The following PLA2R1 variants were observed in gnomAD, a reference collection of about 807,000 sequenced individuals.
PLA2R1 encodes the protein secretory phospholipase A2 receptor.
PLA2R1 carries 158 observed loss-of-function variants against 195.9 expected under a neutral mutation model. The observed-to-expected ratio is 0.81, with a 90% CI of 0.71 to 0.92. The LOEUF (loss-of-function observed/expected upper bound fraction) is 0.92. Ranked by LOEUF, PLA2R1 falls within the 40% of genes least tolerant of loss-of-function variation. PLA2R1 has a pLI of 0.00. For synonymous variants in PLA2R1, 586 were observed against 598.2 expected (o/e 0.98, Z 0.30); for missense variants, 1,626 against 1,764.6 (o/e 0.92, Z 1.41).
rs747566805 is a variant in PLA2R1, at chr2:160,044,817, A to T, written c.450T>A (p.Ser150=). 2 of 1,613,818 alleles carry T rather than the reference A, an allele frequency of 1.2e-6. No individual in the cohort carries two copies. The highest frequency in any genetic ancestry group is 2.2e-5 in the South Asian group (2 of 91,062). Residue 150 remains serine, a synonymous_variant, in exon 2 of 30, where the codon TCT becomes TCA. Transcript: ENST00000283243. ...AAATGTCTCCACCACCTGACCCATAAGAAATCCACTTATGAATATACTTCC... is the reference window on the plus strand; with the variant it reads ...AAATGTCTCCACCACCTGACCCATATGAAATCCACTTATGAATATACTTCC... ...ASRKYIHKWI[S]YGSGGGDICE... is the part of the protein sequence containing the mutation.
intron 11 of PLA2R1, among the ~76,000 whole-genome samples, chr2:159,996,498 G>A (rs569718769): frequency 4.6e-5 from 7 of 152,062 alleles, no homozygotes; most frequent in South Asian, 4.2e-4. Flanking sequence ...TCTGAAGTTC[G>A]GATACAATAT....
In PLA2R1 at chr2:160,044,803, C is replaced by T. The variant is rs775814269; in HGVS notation, c.464G>A (p.Gly155Asp). ...GTGTAGATATTCACAAATGTCTCCA[C>T]CACCTGACCCATAAGAAATCCACTT... ...IHKWISYGSG[G>D]GDICEYLHKD... Residue 155 changes from glycine (G) to aspartate (D), a missense_variant, in exon 2 of 30, where the codon GGT becomes GAT. Transcript: ENST00000283243. 3.0e-5 allele frequency: 49 copies of T among 1,613,298 alleles called. No homozygotes were observed. Among genetic ancestry groups the T allele is most frequent in the Admixed American group, 1.7e-4 (10 of 59,992 alleles).
chr2:160,028,473 T>A, intron 5 of PLA2R1, 112 bp from the exon 6 acceptor site: 1 of 741,160 alleles, frequency 1.3e-6, no homozygotes, highest in Non-Finnish European at 2.3e-6. Flanking sequence ...TCATATATAG[T>A]AAATCCTATA....
At chr2:160,046,584 T>G (rs193222489) in intron 1 of PLA2R1, among the ~76,000 whole-genome samples, 3 of 152,318 alleles carry the variant, frequency 2.0e-5, no homozygotes. Context: ...CTTAAGATAC[T>G]GTTTCAAAAA....
At position 159,941,685 on chromosome 2, in the gene PLA2R1, A is replaced by G. The variant is rs1052892900; in HGVS notation, c.*93T>C. 9.1e-6 allele frequency: 6 copies of G among 661,396 alleles called. No homozygotes were observed. The African/African-American group carries it at 9.1e-5, about 10-fold the overall frequency. The allele number at this position is 661,396 out of a possible 1,614,324, so 41.0% of individuals were successfully genotyped here. On this transcript the variant is annotated 3_prime_UTR_variant, in exon 30 of 30. Transcript: ENST00000283243. ...AAATAGTGACCCAATTCACATTCTA[A>G]TGGCATCTGTGCTGTAAAGGGAAAG...
At chr2:160,014,647 G>A (rs1478018177) in intron 9 of PLA2R1, among the ~76,000 whole-genome samples, 1 of 152,012 alleles carries the variant, frequency 6.6e-6, no homozygotes, top group Non-Finnish European at 1.5e-5. Context: ...TAAATTTCTT[G>A]GAAAAGATGT....
At chr2:160,045,262 G>T in intron 1 of PLA2R1, 105 bp from the exon 2 acceptor site, 1 of 839,344 alleles carries the variant, frequency 1.2e-6, no homozygotes, top group Non-Finnish European at 1.9e-6. Context: ...ACAGTTGCCA[G>T]CCATTTCCCA....
intron 2 of PLA2R1, among the ~76,000 whole-genome samples, chr2:160,043,445 G>T (rs931616128): frequency 2.6e-5 from 4 of 152,248 alleles, no homozygotes; most frequent in Middle Eastern, 3.4e-3. Flanking sequence ...TGACTCAACT[G>T]GGGCTGCCAA....
rs552792081 is a variant in PLA2R1 at position 160,027,562 on chromosome 2, T to A, written c.1099+656A>T. ...CAATATTTAAAAATGACAATTCAGC[T>A]TATTATTTTAAATCTAGAGTTTTTT... On this transcript the variant is annotated intron_variant, in intron 6 of 29. Transcript: ENST00000283243. Among the ~76,000 whole-genome samples the A allele has an allele frequency of 3.3e-3, 496 of 151,960 alleles. 2 individuals carry two copies. The highest frequency in any genetic ancestry group is 0.011 in the African/African-American group (437 of 41,578).
At chr2:160,009,931 G>A (rs1359531886) in intron 10 of PLA2R1, among the ~76,000 whole-genome samples, 1 of 151,808 alleles carries the variant, frequency 6.6e-6, no homozygotes, top group African/African-American at 2.4e-5. Context: ...AACATGGCAA[G>A]AACCTGTCTC....
chr2:160,018,270 A>G (rs111695044), intron 8 of PLA2R1, among the ~76,000 whole-genome samples: 12 of 152,272 alleles, frequency 7.9e-5, no homozygotes, highest in Admixed American at 3.9e-4. Context: ...AGAGCAACAT[A>G]CCCATGCCTG....
intron 24 of PLA2R1, among the ~76,000 whole-genome samples, chr2:159,950,405 A>C (rs777586251): frequency 2.0e-5 from 3 of 152,224 alleles, no homozygotes; most frequent in Non-Finnish European, 4.4e-5. Context: ...TACTTGTCAA[A>C]ATTTTAAGTG....
Position 160,032,958 on chromosome 2 carries a change from C to G in PLA2R1, c.841+1G>C. The G allele has an allele frequency of 6.2e-7, 1 of 1,600,164 alleles. No homozygotes were observed. Among genetic ancestry groups the G allele is most frequent in the African/African-American group, 1.3e-5 (1 of 74,682 alleles). Reference sequence around the variant, plus strand: ...TCAATGTGCGTCATCCACCTACTTACCCCTTATGAAATTTTCTTCAGTTTC... The same window carrying G: ...TCAATGTGCGTCATCCACCTACTTAGCCCTTATGAAATTTTCTTCAGTTTC... On this transcript the variant is annotated splice_donor_variant, in intron 4 of 29. Transcript: ENST00000283243. LOFTEE classifies it high-confidence loss of function.
chr2:159,969,446 T>C, intron 18 of PLA2R1, 87 bp from the exon 19 acceptor site: 1 of 705,784 alleles, frequency 1.4e-6, no homozygotes, highest in African/African-American at 1.8e-5. Context: ...AGGTAGGGAT[T>C]GAAGATATAA....
intron 3 of PLA2R1, among the ~76,000 whole-genome samples, chr2:160,041,606 G>A (rs1378033506): frequency 6.7e-6 from 1 of 150,204 alleles, no homozygotes; most frequent in Non-Finnish European, 1.5e-5. Flanking sequence ...TTGACAATGG[G>A]CGAGACAAGC....
At chr2:159,999,113 T>C (rs962788642) in intron 11 of PLA2R1, among the ~76,000 whole-genome samples, 1 of 152,074 alleles carries the variant, frequency 6.6e-6, no homozygotes, top group Non-Finnish European at 1.5e-5. Flanking sequence ...CTTTCCACCA[T>C]GTGAGGGCGC....
intron 1 of PLA2R1, among the ~76,000 whole-genome samples, chr2:160,046,605 G>A (rs1022261961): frequency 1.3e-5 from 2 of 152,120 alleles, no homozygotes; most frequent in South Asian, 2.1e-4. Flanking sequence ...GATTGTCAAT[G>A]TATTAATAAA....
intron 9 of PLA2R1, among the ~76,000 whole-genome samples, chr2:160,016,108 A>G (rs1366093044): frequency 6.6e-6 from 1 of 152,108 alleles, no homozygotes; most frequent in Non-Finnish European, 1.5e-5. Flanking sequence ...TACTAAAAAT[A>G]CAAAAATTAG....
At chr2:159,981,735 G>T (rs978796921) in intron 13 of PLA2R1, among the ~76,000 whole-genome samples, 1 of 152,118 alleles carries the variant, frequency 6.6e-6, no homozygotes, top group Non-Finnish European at 1.5e-5. Flanking sequence ...TTTAAAGACG[G>T]TTCTCGCTCT....
Sources: allele counts gnomAD v4.1 joint callset (sites outside exome capture counted in the v4.1 genomes callset), GRCh38; gene constraint gnomAD v4.1.1; transcripts MANE v1.5; gene names NCBI Gene and HGNC (gene_info 2026-07-23, HGNC 2026-07-21).